The following PRELID2 variants were observed in gnomAD, a reference collection of about 807,000 sequenced individuals.
PRELID2 encodes PRELI domain-containing protein 2.
A neutral mutation model predicts 28.4 loss-of-function variants in PRELID2; 25 were observed. The observed-to-expected ratio is 0.88, with a 90% CI of 0.64 to 1.23. The LOEUF (loss-of-function observed/expected upper bound fraction) is 1.23, where lower values mean the gene tolerates loss of function less well. Among genes scored for constraint, PRELID2 ranks in the 50% most tolerant of loss-of-function variants. The probability of loss-of-function intolerance (pLI) is 0.00; values close to 1 mark genes in which losing one functional copy is unlikely to be tolerated. For synonymous variants in PRELID2, 76 were observed against 71.6 expected, an observed-to-expected ratio of 1.06 and a Z score of -0.31; for missense variants, 201 against 214.4, an observed-to-expected ratio of 0.94 and a Z score of 0.39.
At chr5:145,309,393 T>C in the PRELID2 span, among the ~76,000 whole-genome samples, 3 of 152,300 alleles carry the variant, frequency 2.0e-5, no homozygotes, top group East Asian at 5.8e-4. Context: ...GAAGTGTTCA[T>C]GTTGGATAGC....
the PRELID2 span, among the ~76,000 whole-genome samples, chr5:145,343,053 C>A: frequency 6.6e-6 from 1 of 151,822 alleles, no homozygotes; most frequent in Admixed American, 6.6e-5. Context: ...ACTGAATAGA[C>A]TGCAATACAA....
intron 5 of PRELID2, among the ~76,000 whole-genome samples, chr5:145,766,522 G>A (rs1237760928): frequency 6.6e-6 from 1 of 152,188 alleles, no homozygotes; most frequent in African/African-American, 2.4e-5. Context: ...CTAAACTAAA[G>A]TTAGTATTTC....
chr5:145,656,824 C>G lies in PRELID2; in HGVS notation n.70+108107G>C, dbSNP rs151044874. Among the ~76,000 whole-genome samples the G allele has an allele frequency of 5.0e-3, 762 of 152,066 alleles. 8 individuals are homozygous for G. The highest frequency in any genetic ancestry group is 0.017 in the African/African-American group (723 of 41,466). Reference sequence around the variant, plus strand: ...GTAAATGGCAAGTTAATGGGTGCAGCACACCAACATGGTACATGTATACAT... The same window carrying G: ...GTAAATGGCAAGTTAATGGGTGCAGGACACCAACATGGTACATGTATACAT... On this transcript the variant is annotated intron_variant and non_coding_transcript_variant, in intron 1 of 2. Coordinates refer to the PRELID2 transcript ENST00000510259.
intron 1 of PRELID2, among the ~76,000 whole-genome samples, chr5:145,583,615 G>A (rs1310484318): frequency 1.3e-5 from 2 of 151,970 alleles, no homozygotes; most frequent in South Asian, 2.1e-4. Context: ...AAATGAATGT[G>A]CAAAATCGCT....
chr5:145,693,464 A>AT (rs902406320), intron 1 of PRELID2, among the ~76,000 whole-genome samples: 1 of 141,288 alleles, frequency 7.1e-6, no homozygotes. Context: ...AATTCTTAAA[A>AT]TTAAAAAAAA....
At chr5:145,298,855 T>C in the PRELID2 span, among the ~76,000 whole-genome samples, 2 of 152,176 alleles carry the variant, frequency 1.3e-5, no homozygotes, top group South Asian at 2.1e-4. Flanking sequence ...TTTCAATAGG[T>C]TACATATTTG....
the PRELID2 span, among the ~76,000 whole-genome samples, chr5:145,250,411 T>C: frequency 3.3e-5 from 5 of 152,162 alleles, no homozygotes; most frequent in Non-Finnish European, 7.4e-5. Context: ...TGCAAGTGTT[T>C]GAACCAAGCC....
chr5:145,369,580 A>G, the PRELID2 span, among the ~76,000 whole-genome samples: 3 of 152,136 alleles, frequency 2.0e-5, no homozygotes, highest in Non-Finnish European at 2.9e-5. Flanking sequence ...TGCACTAAAC[A>G]TATATGTGAA....
chr5:145,247,233 T>C, the PRELID2 span, among the ~76,000 whole-genome samples: 1 of 152,198 alleles, frequency 6.6e-6, no homozygotes, highest in East Asian at 1.9e-4. Flanking sequence ...CAATCATCAC[T>C]CCTCAATTCC....
At chr5:145,744,348 G>C (rs1396862556) in intron 1 of PRELID2, among the ~76,000 whole-genome samples, 1 of 152,220 alleles carries the variant, frequency 6.6e-6, no homozygotes, top group Admixed American at 6.5e-5. Context: ...CTCCACCAAA[G>C]GACAAAGTGC....
chr5:145,237,477 G>A, the PRELID2 span, among the ~76,000 whole-genome samples: 1 of 152,002 alleles, frequency 6.6e-6, no homozygotes, highest in South Asian at 2.1e-4. Flanking sequence ...GAATGTTTGT[G>A]TAGTCATTTC....
chr5:145,447,787 C>A, the PRELID2 span, among the ~76,000 whole-genome samples: 7 of 128,726 alleles, frequency 5.4e-5, no homozygotes, highest in East Asian at 6.4e-4. Context: ...CATGTCCCTA[C>A]AAAGGACATG....
intron 1 of PRELID2, among the ~76,000 whole-genome samples, chr5:145,507,079 G>A (rs993225358): frequency 2.0e-5 from 3 of 152,112 alleles, no homozygotes; most frequent in Admixed American, 1.3e-4. Context: ...CATACAGTAA[G>A]GGCTCAATAA....
chr5:145,556,690 C>T (rs142863600), intron 1 of PRELID2, among the ~76,000 whole-genome samples: 1 of 152,154 alleles, frequency 6.6e-6, no homozygotes, highest in East Asian at 1.9e-4. Context: ...TCAAAAGAGC[C>T]GACAAGGCCC....
chr5:145,763,482 T>G (rs79083540), intron 6 of PRELID2, among the ~76,000 whole-genome samples: 7,255 of 152,328 alleles, frequency 0.048, 289 homozygotes, highest in African/African-American at 0.11. Flanking sequence ...AGGTTTCATA[T>G]TAATCAAAAT....
At chr5:145,482,502 C>G (rs1362582756) in intron 1 of PRELID2, among the ~76,000 whole-genome samples, 2 of 151,976 alleles carry the variant, frequency 1.3e-5, no homozygotes, top group Non-Finnish European at 2.9e-5. Context: ...TTCTTAAGTG[C>G]CAGGTAACAA....
At chr5:145,573,749 C>T (rs113451542) in intron 1 of PRELID2, among the ~76,000 whole-genome samples, 149 of 152,256 alleles carry the variant, frequency 9.8e-4, no homozygotes, top group African/African-American at 3.4e-3. Flanking sequence ...CAGTCTATCA[C>T]TGATGGGCAT....
intron 1 of PRELID2, among the ~76,000 whole-genome samples, chr5:145,823,434 T>C (rs1031695911): frequency 8.5e-5 from 13 of 152,348 alleles, no homozygotes; most frequent in African/African-American, 2.9e-4. Flanking sequence ...CAGCCTAACA[T>C]AAATCAAGAG....
In PRELID2 at chr5:145,818,016, CTCT is replaced by C. The variant is rs765094084; in HGVS notation, c.243_245del (p.Glu83del). On this transcript the variant is annotated inframe_deletion, in exon 4 of 7. Coordinates refer to ENST00000683046, the MANE Select transcript of PRELID2 (RefSeq NM_205846.3). Reference sequence around the variant, plus strand: ...TTTCCCGAGGATTGAGCCATGACTCCTCTTCTAATTGGATATTAGGTACTTTCA... The same window carrying C: ...TTTCCCGAGGATTGAGCCATGACTCCTCTAATTGGATATTAGGTACTTTCA... 1 of 1,612,798 alleles carries C rather than the reference CTCT, an allele frequency of 6.2e-7. No homozygotes were observed. The highest frequency in any genetic ancestry group is 8.5e-7 in the Non-Finnish European group (1 of 1,179,382).
Sources: gnomAD v4.1 joint callset for allele counts (sites outside exome capture counted in the v4.1 genomes callset) on GRCh38, gnomAD v4.1.1 for gene constraint, MANE v1.5 for transcripts, NCBI Gene and HGNC (gene_info 2026-07-23, HGNC 2026-07-21) for gene names.